WNT3A: variants seen among roughly 807,000 people sequenced by gnomAD.
WNT3A encodes protein Wnt-3a.
Under a neutral mutation model 37.0 loss-of-function variants are expected in WNT3A, and 17 were observed. That is an observed-to-expected ratio of 0.46 (90% CI 0.31 to 0.69). The LOEUF is 0.69. Ranked by LOEUF, WNT3A falls within the 30% of genes least tolerant of loss-of-function variation. WNT3A has a pLI of 0.05. For missense variants in WNT3A, 411 were observed against 510.2 expected, an observed-to-expected ratio of 0.81 and a Z score of 1.87; for synonymous variants, 187 against 211.0, an observed-to-expected ratio of 0.89 and a Z score of 0.99.
intron 2 of WNT3A, among the ~76,000 whole-genome samples, chr1:228,023,904 C>G (rs946009978): frequency 6.6e-6 from 1 of 152,248 alleles, no homozygotes; most frequent in South Asian, 2.1e-4. Context: ...GTTTAAGAAA[C>G]GGCATCACTC....
rs779418450 is a variant in WNT3A, at chr1:228,008,367, C to T, written c.71+1168C>T. On this transcript the variant is annotated intron_variant, in intron 1 of 3. Transcript: ENST00000284523. The surrounding 1 kb of genome is among the most constrained non-coding windows in gnomAD (Gnocchi z 4.9). ...CCAGCGAGCCGAGGTACATCTAATC[C>T]GATAATAATTTTTCTCTTCGAGATG... Among the ~76,000 whole-genome samples, 13 of 152,266 alleles carry T rather than the reference C, an allele frequency of 8.5e-5. No individual in the cohort carries two copies. Among genetic ancestry groups the T allele is most frequent in the African/African-American group, 3.1e-4 (13 of 41,566 alleles).
At chr1:228,043,113 G>A (rs1250532109) in intron 2 of WNT3A, among the ~76,000 whole-genome samples, 1 of 152,208 alleles carries the variant, frequency 6.6e-6, no homozygotes, top group Non-Finnish European at 1.5e-5. Context: ...AGGAAGGAAA[G>A]ATAGATAATT....
At chr1:228,029,857 A>G (rs1008976793) in intron 2 of WNT3A, among the ~76,000 whole-genome samples, 1 of 151,834 alleles carries the variant, frequency 6.6e-6, no homozygotes, top group African/African-American at 2.4e-5. Flanking sequence ...GATCAGTGCC[A>G]CTGAGGCTGA....
chr1:228,060,343 G>T lies in WNT3A; in HGVS notation c.*878G>T. On this transcript the variant is annotated 3_prime_UTR_variant, in exon 4 of 4. Coordinates refer to ENST00000284523, the MANE Select transcript of WNT3A (RefSeq NM_033131.4). The stretch of plus-strand genomic sequence containing the variant: ...CCCAACCCGTGCCCCTGGGATCCGA[G>T]GGCCCCTCTCCAAGCGCCTGGCTTT... The T allele has an allele frequency of 7.5e-7, 1 of 1,325,800 alleles. No homozygotes were observed. Among genetic ancestry groups the T allele is most frequent in the Non-Finnish European group, 1.0e-6 (1 of 999,182 alleles). The allele number at this position is 1,325,800 out of a possible 1,614,324, so 82.1% of individuals were successfully genotyped here. A position where few individuals can be genotyped will look rare whatever the true frequency, so the allele number is the denominator to read the frequency against.
Position 228,009,856 on chromosome 1 carries a change from C to T in WNT3A, c.71+2657C>T, listed in dbSNP as rs887224027. Among the ~76,000 whole-genome samples the T allele has an allele frequency of 2.2e-4, 34 of 151,968 alleles. 1 individual carries two copies. The highest frequency in any genetic ancestry group is 2.2e-3 in the Admixed American group (34 of 15,260). ...CCAGGGCTGGGTGGCCCAGAGGTGTCTTATACCCACGCAGCAGATGCCAGT... is the reference window on the plus strand; with the variant it reads ...CCAGGGCTGGGTGGCCCAGAGGTGTTTTATACCCACGCAGCAGATGCCAGT... On this transcript the variant is annotated intron_variant, in intron 1 of 3. Coordinates refer to ENST00000284523, the MANE Select transcript of WNT3A (RefSeq NM_033131.4).
chr1:228,036,589 G>A (rs917507939), intron 2 of WNT3A, among the ~76,000 whole-genome samples: 4 of 152,142 alleles, frequency 2.6e-5, no homozygotes, highest in African/African-American at 9.7e-5. Flanking sequence ...TCTCTTCTGG[G>A]GTCCAAAAGG....
chr1:228,033,910 T>C (rs1415228861), intron 2 of WNT3A, among the ~76,000 whole-genome samples: 1 of 152,220 alleles, frequency 6.6e-6, no homozygotes, highest in African/African-American at 2.4e-5. Flanking sequence ...TTTGATGCTG[T>C]TGTGAATGAA....
At chr1:228,048,001 C>A (rs887776791) in intron 2 of WNT3A, among the ~76,000 whole-genome samples, 6 of 152,190 alleles carry the variant, frequency 3.9e-5, no homozygotes, top group Non-Finnish European at 8.8e-5. Context: ...CAGCCCCATC[C>A]ACCCGAGGAT....
At chr1:228,014,326 G>A (rs571321508) in intron 1 of WNT3A, among the ~76,000 whole-genome samples, 5 of 152,324 alleles carry the variant, frequency 3.3e-5, no homozygotes, top group South Asian at 2.1e-4. Context: ...AACAGGGCCC[G>A]AGTTGGAGCC....
rs1471678804 is a variant in WNT3A, at chr1:228,039,922, T to G, written c.314-10734T>G. ...AGAACTTTCCCTCCTTCAAGTTGTT[T>G]GTCCCTCAGAAAAGCCACTCAGGAG... On this transcript the variant is annotated intron_variant, in intron 2 of 3. Transcript: ENST00000284523. This position sits in a 1 kb window ranked among gnomAD's most constrained non-coding sequence, Gnocchi z 4.1. 6.6e-6 allele frequency among the ~76,000 whole-genome samples: 1 copy of G among 152,194 alleles called. No homozygotes were observed. Among genetic ancestry groups the G allele is most frequent in the Non-Finnish European group, 1.5e-5 (1 of 68,018 alleles).
intron 2 of WNT3A, among the ~76,000 whole-genome samples, chr1:228,027,394 C>G (rs1270199981): frequency 6.6e-6 from 1 of 152,216 alleles, no homozygotes; most frequent in African/African-American, 2.4e-5. Context: ...TTCCTACCAG[C>G]AGTGTATAAG....
In WNT3A at chr1:228,031,482, A is replaced by G. The variant is rs1184988988; in HGVS notation, c.313+8574A>G. Reference sequence around the variant, plus strand: ...GCCGTGCAGCTCATCGAGCGTGTCCAAGGGTGTGTGTGGCGTGTGATGCAT... The same window carrying G: ...GCCGTGCAGCTCATCGAGCGTGTCCGAGGGTGTGTGTGGCGTGTGATGCAT... On this transcript the variant is annotated intron_variant, in intron 2 of 3. Coordinates refer to ENST00000284523, the MANE Select transcript of WNT3A (RefSeq NM_033131.4). The surrounding 1 kb of genome is among the most constrained non-coding windows in gnomAD (Gnocchi z 4.8). 1.3e-5 allele frequency among the ~76,000 whole-genome samples: 2 copies of G among 152,046 alleles called. No individual in the cohort carries two copies. Among genetic ancestry groups the G allele is most frequent in the Non-Finnish European group, 2.9e-5 (2 of 67,968 alleles).
At chr1:228,009,153 G>A (rs548290598) in intron 1 of WNT3A, among the ~76,000 whole-genome samples, 22 of 152,144 alleles carry the variant, frequency 1.4e-4, no homozygotes, top group African/African-American at 5.1e-4. Context: ...TCTCACACTT[G>A]GGGATTCTCT....
chr1:228,050,841 C>T lies in WNT3A; in HGVS notation c.499C>T (p.Arg167Trp), dbSNP rs775470850. 6 of 1,603,172 alleles carry T rather than the reference C, an allele frequency of 3.7e-6. No individual in the cohort carries two copies. The highest frequency in any genetic ancestry group is 3.3e-5 in the South Asian group (3 of 90,600). ...CATCGAGTTTGGTGGGATGGTGTCT[C>T]GGGAGTTCGCCGACGCCCGGGAGAA... ...EDIEFGGMVS[R>W]EFADARENRP... is the part of the protein sequence containing the mutation. The change falls in exon 3 of 4, where the codon CGG becomes TGG. Residue 167 changes from arginine (R) to tryptophan (W), a missense_variant. Coordinates refer to ENST00000284523, the MANE Select transcript of WNT3A (RefSeq NM_033131.4). The surrounding 1 kb of genome is among the most constrained non-coding windows in gnomAD (Gnocchi z 5.0).
intron 2 of WNT3A, among the ~76,000 whole-genome samples, chr1:228,025,352 T>C: frequency 6.6e-6 from 1 of 152,130 alleles, no homozygotes. Flanking sequence ...TGTTTGTTTG[T>C]TTGTTTTTGT....
At chr1:228,035,031 GCA>G (rs2031101149) in intron 2 of WNT3A, among the ~76,000 whole-genome samples, 2 of 152,264 alleles carry the variant, frequency 1.3e-5, no homozygotes, top group South Asian at 4.1e-4. Context: ...CCCTGGGAAA[GCA>G]CAGAGATGCA....
At chr1:228,046,716 A>G (rs1334851366) in intron 2 of WNT3A, among the ~76,000 whole-genome samples, 2 of 144,174 alleles carry the variant, frequency 1.4e-5, no homozygotes, top group Non-Finnish European at 3.0e-5. Context: ...ATGCATGTGT[A>G]TATGTGTTCA....
At chr1:228,027,315 T>C (rs1224439719) in intron 2 of WNT3A, among the ~76,000 whole-genome samples, 1 of 152,250 alleles carries the variant, frequency 6.6e-6, no homozygotes, top group Non-Finnish European at 1.5e-5. Context: ...CTAGATTGAA[T>C]GATAGAACTA....
In WNT3A at chr1:228,022,796, C is replaced by T. The variant is rs761543505; in HGVS notation, c.201C>T (p.Ala67=). The change falls in exon 2 of 4, where the codon GCC becomes GCT. Residue 67 remains alanine, a synonymous_variant. Transcript: ENST00000284523. ...RNYVEIMPSV[A]EGIKIGIQEC... ...ACGTGGAGATCATGCCCAGCGTGGC[C>T]GAGGGCATCAAGATTGGCATCCAGG... The T allele has an allele frequency of 5.0e-6, 8 of 1,614,038 alleles. No individual in the cohort carries two copies. The Admixed American group carries it at 5.0e-5, about 10-fold the overall frequency.
Sources: allele counts gnomAD v4.1 joint callset (sites outside exome capture counted in the v4.1 genomes callset), GRCh38; gene constraint gnomAD v4.1.1; non-coding constraint Gnocchi (gnomAD v3.1); transcripts MANE v1.5; gene names NCBI Gene and HGNC (gene_info 2026-07-23, HGNC 2026-07-21).